The following MAP7 variants were observed in gnomAD, a reference collection of about 807,000 sequenced individuals.
MAP7 encodes the protein ensconsin.
A neutral mutation model predicts 94.8 loss-of-function variants in MAP7; 52 were observed. The ratio of observed to expected loss-of-function variants is 0.55; its 90% CI spans 0.44 to 0.69. MAP7 has a LOEUF of 0.69. MAP7 is among the 30% of genes least tolerant of loss of function. The pLI is 0.00. For synonymous variants in MAP7, 350 were observed against 357.0 expected (o/e 0.98, Z 0.22); for missense variants, 940 against 964.6 (o/e 0.97, Z 0.34).
chr6:136,432,893 A>C (rs1795352942), intron 1 of MAP7, among the ~76,000 whole-genome samples: 1 of 152,160 alleles, frequency 6.6e-6, no homozygotes. Flanking sequence ...TTTTTATCTT[A>C]GAAAGGAAGT....
At chr6:136,443,665 G>C (rs373514458) in intron 1 of MAP7, among the ~76,000 whole-genome samples, 2 of 152,002 alleles carry the variant, frequency 1.3e-5, no homozygotes, top group African/African-American at 4.8e-5. Context: ...GGCCAGGCTG[G>C]TTTCAAACTC....
At chr6:136,433,134 GAAA>G (rs200659474) in intron 1 of MAP7, among the ~76,000 whole-genome samples, 8 of 151,736 alleles carry the variant, frequency 5.3e-5, no homozygotes, top group African/African-American at 1.9e-4. Context: ...CTTCCTTTCT[GAAA>G]AAAAACTATG....
intron 1 of MAP7, among the ~76,000 whole-genome samples, chr6:136,509,420 T>C (rs541208768): frequency 1.7e-4 from 26 of 152,130 alleles, no homozygotes; most frequent in Middle Eastern, 3.4e-3. Flanking sequence ...CTACTTATTT[T>C]TTTAAGTTTT....
At chr6:136,434,339 T>C (rs935646714) in intron 1 of MAP7, among the ~76,000 whole-genome samples, 6 of 151,018 alleles carry the variant, frequency 4.0e-5, no homozygotes, top group Non-Finnish European at 5.9e-5. Flanking sequence ...CTCAAACTTC[T>C]AGTGACTTTC....
At chr6:136,464,529 T>C (rs1806316549) in intron 1 of MAP7, among the ~76,000 whole-genome samples, 1 of 152,234 alleles carries the variant, frequency 6.6e-6, no homozygotes, top group Non-Finnish European at 1.5e-5. Context: ...TATATATGCC[T>C]AGAAAAAGAC....
intron 1 of MAP7, among the ~76,000 whole-genome samples, chr6:136,483,121 G>A (rs74705032): frequency 0.04 from 4,681 of 117,944 alleles, 264 homozygotes; most frequent in African/African-American, 0.14. Flanking sequence ...AAAAAGTGAA[G>A]TATCTTTCAA....
At chr6:136,522,578 GAA>G (rs944775561) in intron 1 of MAP7, among the ~76,000 whole-genome samples, 2 of 152,104 alleles carry the variant, frequency 1.3e-5, no homozygotes, top group Admixed American at 6.6e-5. Context: ...ATTACTGGTA[GAA>G]AAAAGACACT....
rs1412762858 is a variant in MAP7 at position 136,356,717 on chromosome 6, G to T, written c.1990C>A (p.His664Asn). 6.2e-7 allele frequency: 1 copy of T among 1,614,138 alleles called. No individual in the cohort carries two copies. The highest frequency in any genetic ancestry group is 8.5e-7 in the Non-Finnish European group (1 of 1,180,014). The stretch of plus-strand genomic sequence containing the variant: ...CTCTCCACTGTCACTTTTGACTGGT[G>T]TGAGGTAACCACATGTGGGCTGCCA... ...PVGSPHVVTS[H>N]QSKVTVESTP... The change falls in exon 16 of 18, where the codon CAC becomes AAC. Residue 664 changes from histidine to asparagine, a missense_variant. By Grantham distance (68) the His-to-Asn change is moderately conservative. Coordinates refer to ENST00000354570, the MANE Select transcript of MAP7 (RefSeq NM_003980.6).
chr6:136,456,822 G>GAAGGAAGAAGAAGAA (rs1554259490), intron 1 of MAP7, among the ~76,000 whole-genome samples: 2 of 69,020 alleles, frequency 2.9e-5, no homozygotes, highest in African/African-American at 1.3e-4. Flanking sequence ...AGAAGAAGAA[G>GAAGGAAGAAGAAGAA]GAAGAAGAAG....
chr6:136,389,270 C>CA (rs1780013922), intron 4 of MAP7, 84 bp downstream of exon 4: 1 of 1,492,196 alleles, frequency 6.7e-7, no homozygotes, highest in South Asian at 1.4e-5. Context: ...TTGCACCCTG[C>CA]ACCTGACTGC....
intron 1 of MAP7, chr6:136,526,622 G>A (rs1462642539): frequency 4.1e-6 from 4 of 985,362 alleles, no homozygotes; most frequent in Non-Finnish European, 4.8e-6. Flanking sequence ...GAGGCCGCTG[G>A]GCAGCTCCCT....
At chr6:136,372,448 C>A (rs1774824843) in intron 8 of MAP7, 53 bp downstream of exon 8, 1 of 1,607,688 alleles carries the variant, frequency 6.2e-7, no homozygotes, top group Non-Finnish European at 8.5e-7. Flanking sequence ...ACAGTCTGCA[C>A]AGGAACAGCA....
At position 136,343,118 on chromosome 6, in the gene MAP7, TAGCA is replaced by T. The variant is rs1786875797; in HGVS notation, c.*1106_*1109del. ...TGGTAAAATAAAACTGAATTTATAT[TAGCA>T]AATGAAAGTGCAAGTTTGTACAGCT... On this transcript the variant is annotated 3_prime_UTR_variant, in exon 18 of 18. Coordinates refer to ENST00000354570, the MANE Select transcript of MAP7 (RefSeq NM_003980.6). 6.6e-6 allele frequency: 1 copy of T among 152,628 alleles called. No individual in the cohort carries two copies. Among genetic ancestry groups the T allele is most frequent in the East Asian group, 1.9e-4 (1 of 5,196 alleles). 9.5% of individuals were successfully genotyped at this position (152,628 alleles called of 1,614,324 possible). A position where few individuals can be genotyped will look rare whatever the true frequency, so the allele number is the denominator to read the frequency against.
chr6:136,397,598 AGG>A (rs1782877698), intron 3 of MAP7, among the ~76,000 whole-genome samples: 2 of 150,974 alleles, frequency 1.3e-5, no homozygotes, highest in African/African-American at 2.4e-5. Flanking sequence ...AGACTAAATG[AGG>A]TCATAAAGAT....
At chr6:136,508,395 T>C (rs1274912266) in intron 1 of MAP7, among the ~76,000 whole-genome samples, 1 of 152,176 alleles carries the variant, frequency 6.6e-6, no homozygotes, top group Non-Finnish European at 1.5e-5. Context: ...TGTCACATCA[T>C]TATGAGTCCT....
chr6:136,461,993 T>C (rs970176713), intron 1 of MAP7, among the ~76,000 whole-genome samples: 1 of 152,164 alleles, frequency 6.6e-6, no homozygotes, highest in South Asian at 2.1e-4. Flanking sequence ...TATTTATTTA[T>C]GTCACCTTAA....
intron 1 of MAP7, among the ~76,000 whole-genome samples, chr6:136,537,276 G>A (rs759803384): frequency 2.6e-5 from 4 of 152,056 alleles, no homozygotes; most frequent in Admixed American, 6.6e-5. Context: ...CTGGGATACC[G>A]AGGATTGAAT....
chr6:136,396,187 G>A lies in MAP7; in HGVS notation c.245-6670C>T, dbSNP rs1782408150. On this transcript the variant is annotated intron_variant, in intron 3 of 17. Transcript: ENST00000354570. ...CACAATATTAATTGTTCCAATTCAT[G>A]AACATGAGATGTCTTGCACTTTTTT... 2.0e-5 allele frequency among the ~76,000 whole-genome samples: 3 copies of A among 152,024 alleles called. No homozygotes were observed. The South Asian group carries it at 6.2e-4, about 31-fold the overall frequency.
chr6:136,457,345 A>C (rs1193785871), intron 1 of MAP7, among the ~76,000 whole-genome samples: 1 of 151,778 alleles, frequency 6.6e-6, no homozygotes, highest in East Asian at 1.9e-4. Flanking sequence ...CCCCTGCCCC[A>C]AAAAAGCTCA....
Sources: allele counts gnomAD v4.1 joint callset (sites outside exome capture counted in the v4.1 genomes callset), GRCh38; gene constraint gnomAD v4.1.1; transcripts MANE v1.5; gene names NCBI Gene and HGNC (gene_info 2026-07-23, HGNC 2026-07-21).